Variants in RIC1 observed in about 807,000 individuals in gnomAD.
The protein encoded by RIC1 is guanine nucleotide exchange factor subunit RIC1.
RIC1 carries 88 observed loss-of-function variants against 169.0 expected under a neutral mutation model. The ratio of observed to expected loss-of-function variants is 0.52; its 90% CI spans 0.44 to 0.62. The LOEUF (loss-of-function observed/expected upper bound fraction) is 0.62, where lower values mean the gene tolerates loss of function less well. Among genes scored for constraint, RIC1 ranks in the 20% least tolerant of loss-of-function variants. RIC1 has a pLI of 0.00. For synonymous variants in RIC1, 790 were observed against 601.5 expected, an observed-to-expected ratio of 1.31 and a Z score of -4.59; for missense variants, 1,877 against 1,725.5, an observed-to-expected ratio of 1.09 and a Z score of -1.56.
intron 1 of RIC1, among the ~76,000 whole-genome samples, chr9:5,644,236 C>G (rs1244458642): frequency 1.3e-5 from 2 of 152,190 alleles, no homozygotes; most frequent in African/African-American, 2.4e-5. Flanking sequence ...TTCTCCCATT[C>G]CAGCCTTAGA....
rs993263640 is a variant in RIC1, at chr9:5,718,166, AGTT to A, written c.441-2015_441-2013del. Among the ~76,000 whole-genome samples, 6 of 150,364 alleles carry A rather than the reference AGTT, an allele frequency of 4.0e-5. 1 individual carries two copies. Among genetic ancestry groups the A allele is most frequent in the Admixed American group, 2.7e-4 (4 of 15,062 alleles). On this transcript the variant is annotated intron_variant, in intron 4 of 25. Transcript: ENST00000414202. ...AAAAAAAAAAAAAAAAAAAAAAAAA[AGTT>A]CAGTTCTTGCTTATATAGGTGGAAA...
intron 1 of RIC1, among the ~76,000 whole-genome samples, chr9:5,647,986 G>A (rs377004759): frequency 0.052 from 6,094 of 116,138 alleles, 529 homozygotes; most frequent in African/African-American, 0.23. Flanking sequence ...GGTGGTGGTG[G>A]TGGTGGTAGT....
rs759942859 is a variant in RIC1 at position 5,763,362 on chromosome 9, C to T, written c.2335C>T (p.Leu779=). 10 of 1,614,038 alleles carry T rather than the reference C, an allele frequency of 6.2e-6. No homozygotes were observed. In the Admixed American group the frequency reaches 1.7e-4, roughly 27 times the overall value. The change falls in exon 19 of 26, where the codon CTA becomes TTA. Residue 779 remains leucine, a synonymous_variant. Transcript: ENST00000414202. This position sits in a 1 kb window ranked among gnomAD's most constrained non-coding sequence, Gnocchi z 5.2. ...GCCTTTCCACATCAACATTTACCCG[C>T]TAGCTGTTCTGTTTGAAGATGCTTT... ...MLPFHINIYP[L]AVLFEDALVL...
intron 3 of RIC1, among the ~76,000 whole-genome samples, chr9:5,691,060 CT>C: frequency 6.6e-6 from 1 of 152,034 alleles, no homozygotes; most frequent in Non-Finnish European, 1.5e-5. Context: ...TTGCACACTT[CT>C]GATACACAAA....
intron 2 of RIC1, among the ~76,000 whole-genome samples, chr9:5,667,278 T>C (rs759480039): frequency 1.3e-5 from 2 of 152,114 alleles, no homozygotes; most frequent in Admixed American, 6.5e-5. Flanking sequence ...GTTTTGATCT[T>C]GTCACAGCAC....
At chr9:5,769,783 G>T in intron 22 of RIC1, 1 of 283,948 alleles carries the variant, frequency 3.5e-6, no homozygotes, top group South Asian at 1.1e-4. Context: ...TTTGGCATTT[G>T]GAAACTTCAT....
At chr9:5,725,812 A>G (rs928554906) in intron 6 of RIC1, among the ~76,000 whole-genome samples, 1 of 152,040 alleles carries the variant, frequency 6.6e-6, no homozygotes, top group African/African-American at 2.4e-5. Context: ...TCATTTCGTT[A>G]TGTACCCAGT....
At chr9:5,634,606 C>G (rs145406206) in intron 1 of RIC1, among the ~76,000 whole-genome samples, 26 of 152,152 alleles carry the variant, frequency 1.7e-4, no homozygotes, top group African/African-American at 6.0e-4. Flanking sequence ...CCTTACATAT[C>G]TTGAATATTA....
At position 5,742,866 on chromosome 9, in the gene RIC1, C is replaced by T. The variant is rs933946286; in HGVS notation, c.902-3C>T. ...TTTAACTCTTCTCACTATTTCCTAA[C>T]AGACATTTGGAATAAAACAGGAGCT... On this transcript the variant is annotated splice_region_variant and splice_polypyrimidine_tract_variant and intron_variant, in intron 8 of 25. Transcript: ENST00000414202. 4 of 1,588,836 alleles carry T rather than the reference C, an allele frequency of 2.5e-6. No homozygotes were observed. The South Asian group carries it at 4.4e-5, about 18-fold the overall frequency.
At chr9:5,744,769 A>T (rs552521870) in intron 10 of RIC1, among the ~76,000 whole-genome samples, 2 of 152,206 alleles carry the variant, frequency 1.3e-5, no homozygotes, top group Non-Finnish European at 1.5e-5. Flanking sequence ...CTTAACCTGT[A>T]TTTTTATTTT....
At chr9:5,701,194 GT>G (rs1016272542) in intron 3 of RIC1, among the ~76,000 whole-genome samples, 2 of 151,920 alleles carry the variant, frequency 1.3e-5, no homozygotes, top group South Asian at 4.2e-4. Flanking sequence ...AGCTCTGAAT[GT>G]TTTTTTTCTT....
At chr9:5,749,945 A>T (rs1209191652) in intron 12 of RIC1, among the ~76,000 whole-genome samples, 1 of 151,312 alleles carries the variant, frequency 6.6e-6, no homozygotes, top group Non-Finnish European at 1.5e-5. Context: ...TGCCCGGCTA[A>T]TTTTTGTATT....
At position 5,762,236 on chromosome 9, in the gene RIC1, C is replaced by T. The variant is rs73639508; in HGVS notation, c.1993-305C>T. On this transcript the variant is annotated intron_variant, in intron 17 of 25. Transcript: ENST00000414202. ...CTTTCTGTTGTTATGACAGCTAGAT[C>T]ACTGAAGTGATCTCTCATTTTTATA... Among the ~76,000 whole-genome samples, 953 of 152,344 alleles carry T rather than the reference C, an allele frequency of 6.3e-3. 14 individuals are homozygous for T. The highest frequency in any genetic ancestry group is 0.021 in the African/African-American group (873 of 41,568).
At chr9:5,646,119 C>A (rs1291204167) in intron 1 of RIC1, among the ~76,000 whole-genome samples, 3 of 152,048 alleles carry the variant, frequency 2.0e-5, no homozygotes, top group Non-Finnish European at 4.4e-5. Context: ...ATTGCCATTC[C>A]ATTGGGTCCA....
intron 7 of RIC1, among the ~76,000 whole-genome samples, chr9:5,732,980 C>T (rs1824460624): frequency 6.6e-6 from 1 of 151,768 alleles, no homozygotes; most frequent in South Asian, 2.1e-4. Context: ...TATCTGTATG[C>T]CTATCACATA....
At chr9:5,734,664 A>C (rs1011112859) in intron 7 of RIC1, among the ~76,000 whole-genome samples, 35 of 152,210 alleles carry the variant, frequency 2.3e-4, no homozygotes, top group African/African-American at 8.4e-4. Flanking sequence ...ATAGAACATT[A>C]CTGGTCTCCA....
chr9:5,698,296 C>G (rs1376123783), intron 3 of RIC1, among the ~76,000 whole-genome samples: 1 of 152,178 alleles, frequency 6.6e-6, no homozygotes, highest in East Asian at 1.9e-4. Flanking sequence ...TTATGCTACA[C>G]TTGGTATTGT....
chr9:5,640,360 T>C (rs1818179960), intron 1 of RIC1, among the ~76,000 whole-genome samples: 2 of 152,174 alleles, frequency 1.3e-5, no homozygotes, highest in Admixed American at 6.5e-5. Flanking sequence ...AAAGTGTAAT[T>C]AAAAGTGTAA....
chr9:5,643,383 A>G (rs1461574398), intron 1 of RIC1, among the ~76,000 whole-genome samples: 1 of 152,200 alleles, frequency 6.6e-6, no homozygotes, highest in Non-Finnish European at 1.5e-5. Context: ...TTCTATATGA[A>G]TGACTGTATA....
Sources: gnomAD v4.1 joint callset for allele counts (sites outside exome capture counted in the v4.1 genomes callset) on GRCh38, gnomAD v4.1.1 for gene constraint, Gnocchi (gnomAD v3.1) non-coding constraint, MANE v1.5 for transcripts, NCBI Gene and HGNC (gene_info 2026-07-23, HGNC 2026-07-21) for gene names.